The following CTNND2 variants were observed in gnomAD, a reference collection of about 807,000 sequenced individuals.
The protein encoded by CTNND2 is catenin delta 2.
A neutral mutation model predicts 144.4 loss-of-function variants in CTNND2; 22 were observed. That is an observed-to-expected ratio of 0.15 (90% confidence interval 0.11 to 0.22). The LOEUF (loss-of-function observed/expected upper bound fraction) is 0.22. Ranked by LOEUF, CTNND2 falls within the 10% of genes least tolerant of loss-of-function variation. The pLI is 1.00. For synonymous variants in CTNND2, 751 were observed against 695.6 expected (o/e 1.08, Z -1.25); for missense variants, 1,353 against 1,618.8 (o/e 0.84, Z 2.82).
intron 12 of CTNND2, among the ~76,000 whole-genome samples, chr5:11,124,843 G>C (rs1042530085): frequency 4.6e-5 from 7 of 152,100 alleles, no homozygotes; most frequent in Non-Finnish European, 1.0e-4. Flanking sequence ...CTGTGCTAGA[G>C]GTACAGAACT....
At chr5:11,105,076 ATGACTGGGCC>A (rs1304956168) in intron 14 of CTNND2, among the ~76,000 whole-genome samples, 2 of 152,152 alleles carry the variant, frequency 1.3e-5, no homozygotes, top group Non-Finnish European at 2.9e-5. Context: ...GCTGCTCCAT[ATGACTGGGCC>A]TGCCTGTCCC....
intron 2 of CTNND2, among the ~76,000 whole-genome samples, chr5:11,613,468 A>C (rs1780431422): frequency 6.6e-6 from 1 of 152,208 alleles, no homozygotes; most frequent in Non-Finnish European, 1.5e-5. Context: ...TGGTATTCAG[A>C]ATTCATGAAA....
At chr5:11,885,127 T>G (rs906024579) in intron 1 of CTNND2, among the ~76,000 whole-genome samples, 2 of 152,196 alleles carry the variant, frequency 1.3e-5, no homozygotes, top group Non-Finnish European at 2.9e-5. Flanking sequence ...GTTTTACTTT[T>G]TGTTGCTGTT....
At chr5:11,330,630 C>G (rs76005777) in intron 9 of CTNND2, among the ~76,000 whole-genome samples, 1 of 151,580 alleles carries the variant, frequency 6.6e-6, no homozygotes, top group Non-Finnish European at 1.5e-5. Flanking sequence ...TCCAGTCCAG[C>G]CTGACCAACA....
intron 11 of CTNND2, among the ~76,000 whole-genome samples, chr5:11,195,415 G>A (rs1295668326): frequency 1.3e-5 from 2 of 152,192 alleles, no homozygotes; most frequent in South Asian, 4.1e-4. Context: ...GGAAACAGAA[G>A]TTCTAATCCA....
intron 9 of CTNND2, among the ~76,000 whole-genome samples, chr5:11,330,433 G>A (rs574721889): frequency 7.7e-6 from 1 of 129,056 alleles, no homozygotes; most frequent in African/African-American, 2.9e-5. Context: ...GCAGTGAGCC[G>A]AGATCACGCC....
chr5:11,500,046 A>T (rs1420189475), intron 3 of CTNND2, among the ~76,000 whole-genome samples: 1 of 152,132 alleles, frequency 6.6e-6, no homozygotes, highest in Non-Finnish European at 1.5e-5. Context: ...GAATCCCCTT[A>T]TGAAGAGTAC....
intron 9 of CTNND2, among the ~76,000 whole-genome samples, chr5:11,288,827 GAAAAAAAAGAAAACCAAAAAGGAAA>G (rs1160135319): frequency 7.3e-6 from 1 of 137,018 alleles, no homozygotes; most frequent in Non-Finnish European, 1.6e-5. Flanking sequence ...AACCAAAAAA[GAAAAAAAAGAAAACCAAAAAGGAAA>G]AAAAAAAAGA....
At chr5:11,151,581 C>T (rs1241605356) in intron 12 of CTNND2, among the ~76,000 whole-genome samples, 2 of 152,086 alleles carry the variant, frequency 1.3e-5, no homozygotes, top group African/African-American at 2.4e-5. Flanking sequence ...TATTCATTCA[C>T]GCTGAAAAGA....
intron 9 of CTNND2, among the ~76,000 whole-genome samples, chr5:11,334,834 C>T (rs141847090): frequency 6.6e-6 from 1 of 152,164 alleles, no homozygotes; most frequent in African/African-American, 2.4e-5. Context: ...TAAGGACCCT[C>T]CGGTATGGAA....
chr5:11,738,398 T>C (rs1370385686), intron 1 of CTNND2, among the ~76,000 whole-genome samples: 1 of 152,218 alleles, frequency 6.6e-6, no homozygotes, highest in Non-Finnish European at 1.5e-5. Flanking sequence ...TAACCATAGG[T>C]AATAAGATGT....
chr5:11,402,541 T>C (rs1760726857), intron 5 of CTNND2, among the ~76,000 whole-genome samples: 1 of 152,248 alleles, frequency 6.6e-6, no homozygotes, highest in Admixed American at 6.5e-5. Flanking sequence ...CCAGAAGAAC[T>C]TGCCCATTTA....
chr5:11,064,050 A>G (rs1747287710), intron 16 of CTNND2, among the ~76,000 whole-genome samples: 3 of 152,122 alleles, frequency 2.0e-5, no homozygotes, highest in African/African-American at 7.2e-5. Flanking sequence ...CAGACCCAGG[A>G]GATGCCAGCA....
At chr5:11,706,976 C>T (rs2126682242) in intron 2 of CTNND2, among the ~76,000 whole-genome samples, 1 of 151,472 alleles carries the variant, frequency 6.6e-6, no homozygotes, top group African/African-American at 2.4e-5. Context: ...GTCCCAGCTA[C>T]TCGGGAGGCT....
chr5:11,847,157 T>C (rs1200934126), intron 1 of CTNND2, among the ~76,000 whole-genome samples: 1 of 125,376 alleles, frequency 8.0e-6, no homozygotes, highest in African/African-American at 3.9e-5. Context: ...TATATATATA[T>C]ATATATATAT....
intron 1 of CTNND2, among the ~76,000 whole-genome samples, chr5:11,859,464 T>C (rs1160417295): frequency 6.6e-6 from 1 of 152,178 alleles, no homozygotes; most frequent in Non-Finnish European, 1.5e-5. Flanking sequence ...GAAGAATAAA[T>C]ATCCAGTTCT....
chr5:11,227,773 C>A (rs1740516140), intron 10 of CTNND2, among the ~76,000 whole-genome samples: 3 of 151,996 alleles, frequency 2.0e-5, no homozygotes, highest in Admixed American at 6.6e-5. Flanking sequence ...CTGAATTTAG[C>A]CAAAATATTA....
intron 9 of CTNND2, among the ~76,000 whole-genome samples, chr5:11,263,630 G>A (rs1580742353): frequency 6.6e-6 from 1 of 152,124 alleles, no homozygotes; most frequent in East Asian, 1.9e-4. Context: ...AATGTTATCA[G>A]TGGTGGCACC....
At chr5:11,593,133 A>G (rs1779336922) in intron 2 of CTNND2, among the ~76,000 whole-genome samples, 1 of 152,196 alleles carries the variant, frequency 6.6e-6, no homozygotes, top group Non-Finnish European at 1.5e-5. Flanking sequence ...TATGCAGCAC[A>G]TGCATGACCT....
Sources: gnomAD v4.1 joint callset for allele counts (sites outside exome capture counted in the v4.1 genomes callset) on GRCh38, gnomAD v4.1.1 for gene constraint, MANE v1.5 for transcripts, NCBI Gene and HGNC (gene_info 2026-07-23, HGNC 2026-07-21) for gene names.